WT1: variants seen among roughly 807,000 people sequenced by gnomAD.
WT1 encodes the protein WT1 transcription factor.
A neutral mutation model predicts 60.8 loss-of-function variants in WT1; 8 were observed. The ratio of observed to expected loss-of-function variants is 0.13; its 90% confidence interval spans 0.08 to 0.24. The LOEUF is 0.24. Ranked by LOEUF, WT1 falls within the 10% of genes least tolerant of loss-of-function variation. The pLI, the probability that WT1 is intolerant of heterozygous loss-of-function variation, is 1.00. For missense variants in WT1, 568 were observed against 711.8 expected (o/e 0.80, Z 2.30); for synonymous variants, 312 against 297.1 (o/e 1.05, Z -0.52).
At chr11:32,433,859 A>G (rs1303181863) in intron 1 of WT1, among the ~76,000 whole-genome samples, 1 of 152,212 alleles carries the variant, frequency 6.6e-6, no homozygotes, top group Non-Finnish European at 1.5e-5. Flanking sequence ...TTGAAGAAAT[A>G]CTGTCCCAGC....
rs1325797184 is a variant in WT1, at chr11:32,435,441, G to A, written c.-81C>T. Reference sequence around the variant, plus strand: ...GGTGGGTGGGTGGGTGAATGAGTAGGTGGGAGGGAGGGCGGGAAGTGGGGG... The same window carrying A: ...GGTGGGTGGGTGGGTGAATGAGTAGATGGGAGGGAGGGCGGGAAGTGGGGG... On this transcript the variant is annotated 5_prime_UTR_variant, in exon 1 of 10. Transcript: ENST00000452863. 1.5e-6 allele frequency: 2 copies of A among 1,378,426 alleles called. No individual in the cohort carries two copies. The highest frequency in any genetic ancestry group is 1.9e-6 in the Non-Finnish European group (2 of 1,032,584). 85.4% of individuals were successfully genotyped at this position (1,378,426 alleles called of 1,614,324 possible). A position where few individuals can be genotyped will look rare whatever the true frequency, so the allele number is the denominator to read the frequency against.
At chr11:32,429,810 G>C (rs1853209564) in intron 1 of WT1, among the ~76,000 whole-genome samples, 1 of 151,922 alleles carries the variant, frequency 6.6e-6, no homozygotes, top group Admixed American at 6.6e-5. Context: ...ATTCTCAGGA[G>C]TAAATTGGGT....
At chr11:32,398,149 T>C (rs1852030031) in intron 6 of WT1, among the ~76,000 whole-genome samples, 1 of 152,196 alleles carries the variant, frequency 6.6e-6, no homozygotes, top group Non-Finnish European at 1.5e-5. Flanking sequence ...TTGCTCTCCA[T>C]TGAAAGGCTT....
chr11:32,403,877 G>A (rs572831978), intron 5 of WT1, among the ~76,000 whole-genome samples: 34 of 151,758 alleles, frequency 2.2e-4, no homozygotes, highest in South Asian at 1.9e-3. Context: ...GCGCCCAGCC[G>A]CAAATATTAC....
At position 32,428,504 on chromosome 11, in the gene WT1, G is replaced by A. The variant is rs1395854761; in HGVS notation, c.777C>T (p.Gly259=). The A allele has an allele frequency of 2.5e-6, 4 of 1,614,052 alleles. No homozygotes were observed. The highest frequency in any genetic ancestry group is 2.2e-5 in the South Asian group (2 of 91,094). The change falls in exon 2 of 10, where the codon GGC becomes GGT. Residue 259 remains glycine, a synonymous_variant. Coordinates refer to ENST00000452863, the MANE Select transcript of WT1 (RefSeq NM_024426.6). ...TTGGTTCCGCTCGCTTACCCAGCGA[G>A]CCCTGCTGGCCCATGGGATCCTCAT... is the stretch of plus-strand genomic sequence containing the variant.
intron 3 of WT1, among the ~76,000 whole-genome samples, chr11:32,421,323 C>T (rs1345443588): frequency 6.6e-6 from 1 of 152,190 alleles, no homozygotes; most frequent in Non-Finnish European, 1.5e-5. Flanking sequence ...ACCTCATTCC[C>T]AGAGGAGATC....
In WT1 at chr11:32,428,130, T is replaced by C. The variant is rs1590394778; in HGVS notation, c.785-72A>G. 7 of 1,357,572 alleles carry C rather than the reference T, an allele frequency of 5.2e-6. No homozygotes were observed. In the East Asian group the frequency reaches 1.4e-4, roughly 28 times the overall value. 84.1% of individuals were successfully genotyped at this position (1,357,572 alleles called of 1,614,324 possible). On this transcript the variant is annotated intron_variant, in intron 2 of 9. Transcript: ENST00000452863. ...CGGGGTGCGAGGCTGCGGGCAGGGGTTGGGGGAGACACGAGATCCTGAGCC... is the reference window on the plus strand; with the variant it reads ...CGGGGTGCGAGGCTGCGGGCAGGGGCTGGGGGAGACACGAGATCCTGAGCC...
intron 3 of WT1, among the ~76,000 whole-genome samples, chr11:32,426,902 G>A (rs925095997): frequency 1.3e-5 from 2 of 152,220 alleles, no homozygotes; most frequent in Non-Finnish European, 2.9e-5. Flanking sequence ...CTGCGGGACT[G>A]GACAGTCCCC....
chr11:32,428,180 G>T, intron 2 of WT1, 122 bp from the exon 3 acceptor site: 1 of 984,034 alleles, frequency 1.0e-6, no homozygotes, highest in Non-Finnish European at 1.5e-6. Context: ...CTGGATGAGC[G>T]GCGTGCAGAG....
intron 6 of WT1, among the ~76,000 whole-genome samples, chr11:32,399,292 T>C (rs1398575174): frequency 6.6e-6 from 1 of 151,178 alleles, no homozygotes; most frequent in African/African-American, 2.4e-5. Flanking sequence ...GAATAATAGG[T>C]ACATGGCATT....
chr11:32,402,696 G>A (rs568654062), intron 5 of WT1, among the ~76,000 whole-genome samples: 25 of 152,252 alleles, frequency 1.6e-4, no homozygotes, highest in Non-Finnish European at 3.2e-4. Flanking sequence ...TAGGTGCCCC[G>A]CACCATGCCC....
Position 32,396,244 on chromosome 11 carries a change from C to T in WT1, c.1264+13G>A, listed in dbSNP as rs769034786. On this transcript the variant is annotated intron_variant, in intron 7 of 9. Coordinates refer to ENST00000452863, the MANE Select transcript of WT1 (RefSeq NM_024426.6). ...ACCATGTTTGCCCAAGACTGGACAG[C>T]GGGCACACTTACCAGTGTGCTTCCT... 1.5e-5 allele frequency: 24 copies of T among 1,614,002 alleles called. No homozygotes were observed. The highest frequency in any genetic ancestry group is 1.6e-4 in the Middle Eastern group (1 of 6,076).
At chr11:32,403,675 C>T (rs1411662531) in intron 5 of WT1, among the ~76,000 whole-genome samples, 2 of 151,234 alleles carry the variant, frequency 1.3e-5, no homozygotes, top group African/African-American at 2.4e-5. Context: ...CCTGGGTTCA[C>T]GCCATTCTCC....
intron 5 of WT1, chr11:32,400,714 T>C (rs1852128581): frequency 6.2e-6 from 1 of 161,586 alleles, no homozygotes; most frequent in Admixed American, 5.6e-5. Flanking sequence ...AGATGTGCAA[T>C]GCTGAAAAGG....
chr11:32,405,112 G>C (rs1411170463), intron 5 of WT1, among the ~76,000 whole-genome samples: 1 of 151,994 alleles, frequency 6.6e-6, no homozygotes, highest in African/African-American at 2.4e-5. Context: ...ATTCCTATAG[G>C]GGCCAAGTAA....
At position 32,396,379 on chromosome 11, in the gene WT1, G is replaced by A. The variant is rs1014605516; in HGVS notation, c.1142C>T (p.Pro381Leu). 6 of 1,614,084 alleles carry A rather than the reference G, an allele frequency of 3.7e-6. No individual in the cohort carries two copies. Among genetic ancestry groups the A allele is most frequent in the Non-Finnish European group, 5.1e-6 (6 of 1,180,042 alleles). Residue 381 changes from proline to leucine, a missense_variant, in exon 7 of 10, where the codon CCG (proline) becomes CTG (leucine). Physicochemically the swap from Pro to Leu is moderately conservative, Grantham distance 98 (BLOSUM62 -3). Coordinates refer to ENST00000452863, the MANE Select transcript of WT1 (RefSeq NM_024426.6). ...CTCAGATGCCGACCGTACAAGAGTC[G>A]GGGCTACTCCAGGCACACGTCGCAC... is the stretch of plus-strand genomic sequence containing the variant.
chr11:32,427,170 C>G (rs1365442996), intron 3 of WT1, among the ~76,000 whole-genome samples: 1 of 152,246 alleles, frequency 6.6e-6, no homozygotes, highest in African/African-American at 2.4e-5. Context: ...CTTCCAGCCC[C>G]GTGCGGGCTG....
chr11:32,396,584 T>G (rs1197150787), intron 6 of WT1, among the ~76,000 whole-genome samples, 177 bp from the exon 7 acceptor site: 1 of 152,164 alleles, frequency 6.6e-6, no homozygotes, highest in Non-Finnish European at 1.5e-5. Flanking sequence ...GGATGCTAGA[T>G]CAGGACATTC....
At chr11:32,428,437 GGGAGAGGA>G in intron 2 of WT1, 52 bp downstream of exon 2, 4 of 1,611,544 alleles carry the variant, frequency 2.5e-6, no homozygotes, top group Non-Finnish European at 3.4e-6. Flanking sequence ...GAATTCCTGG[GGGAGAGGA>G]GGATAGCACG....
Sources: allele counts gnomAD v4.1 joint callset (sites outside exome capture counted in the v4.1 genomes callset), GRCh38; gene constraint gnomAD v4.1.1; transcripts MANE v1.5; gene names NCBI Gene and HGNC (gene_info 2026-07-23, HGNC 2026-07-21).